Variants in PNPLA1 observed in about 807,000 individuals in gnomAD.
PNPLA1 encodes the protein omega-hydroxyceramide transacylase.
A neutral mutation model predicts 51.7 loss-of-function variants in PNPLA1; 36 were observed. The ratio of observed to expected loss-of-function variants is 0.70; its 90% CI spans 0.53 to 0.92. The LOEUF (loss-of-function observed/expected upper bound fraction) is 0.92, where lower values mean the gene tolerates loss of function less well. Among genes scored for constraint, PNPLA1 ranks in the 40% least tolerant of loss-of-function variants. The pLI is 0.00. For missense variants in PNPLA1, 658 were observed against 682.5 expected (o/e 0.96, Z 0.40); for synonymous variants, 293 against 280.1 (o/e 1.05, Z -0.46).
Position 36,302,038 on chromosome 6 carries a change from G to T in PNPLA1, c.953G>T (p.Gly318Val), listed in dbSNP as rs143843185. The T allele has an allele frequency of 6.2e-7, 1 of 1,614,202 alleles. No individual in the cohort carries two copies. Among genetic ancestry groups the T allele is most frequent in the Non-Finnish European group, 8.5e-7 (1 of 1,180,040 alleles). Reference protein sequence around the residue: ...TQPHKEWVPKGDGRGSHGPPV... With the variant: ...TQPHKEWVPKVDGRGSHGPPV... Reference sequence around the variant, plus strand: ...CCTCACAAGGAGTGGGTTCCCAAAGGGGATGGAAGGGGCAGCCATGGTCCG... The same window carrying T: ...CCTCACAAGGAGTGGGTTCCCAAAGTGGATGGAAGGGGCAGCCATGGTCCG... The change falls in exon 6 of 9, where the codon GGG becomes GTG. Residue 318 changes from glycine to valine, a missense_variant. By Grantham distance (109) the Gly-to-Val change is moderately radical. Transcript: ENST00000636260.
chr6:36,280,734 G>A (rs951656148), intron 1 of PNPLA1, among the ~76,000 whole-genome samples: 1 of 152,144 alleles, frequency 6.6e-6, no homozygotes, highest in Non-Finnish European at 1.5e-5. Context: ...TTTCTTGTGA[G>A]TTCAACCATG....
chr6:36,306,262 C>T, intron 6 of PNPLA1, 30 bp from the exon 7 acceptor site: 1 of 1,555,530 alleles, frequency 6.4e-7, no homozygotes, highest in South Asian at 1.2e-5. Flanking sequence ...CTCCCCATCT[C>T]ACTCCCGTTT....
At chr6:36,258,573 G>C (rs555789931) in intron 1 of PNPLA1, among the ~76,000 whole-genome samples, 1 of 152,276 alleles carries the variant, frequency 6.6e-6, no homozygotes, top group African/African-American at 2.4e-5. Context: ...AGCCACTACT[G>C]AATGCAAAAT....
At chr6:36,276,533 T>C (rs975181425) in intron 1 of PNPLA1, among the ~76,000 whole-genome samples, 1 of 152,184 alleles carries the variant, frequency 6.6e-6, no homozygotes, top group African/African-American at 2.4e-5. Context: ...TGATTGCCAC[T>C]GGGGGATCCA....
rs572168497 is a variant in PNPLA1, at chr6:36,306,286, T to A, written c.1385-6T>A. 6.2e-7 allele frequency: 1 copy of A among 1,608,062 alleles called. No homozygotes were observed. Among genetic ancestry groups the A allele is most frequent in the Admixed American group, 1.7e-5 (1 of 58,576 alleles). On this transcript the variant is annotated splice_polypyrimidine_tract_variant and splice_region_variant and intron_variant, in intron 6 of 8. Transcript: ENST00000636260. ...TCACTCCCGTTTCCTATATCTTTAC[T>A]TTTAGCTGTAGCTCTTCTTGTCTCT...
At chr6:36,291,592 C>CCCCCGGGGGGGGGGG in intron 2 of PNPLA1, 40 bp downstream of exon 2, 1 of 105,202 alleles carries the variant, frequency 9.5e-6, no homozygotes. Flanking sequence ...ACGGAGGGGG[C>CCCCCGGGGGGGGGGG]GGGGGAGGGC....
intron 1 of PNPLA1, among the ~76,000 whole-genome samples, chr6:36,255,824 T>G (rs1162204379): frequency 6.6e-6 from 1 of 152,252 alleles, no homozygotes; most frequent in African/African-American, 2.4e-5. Context: ...AACATCTCTA[T>G]TGCAGTTTAT....
chr6:36,276,741 T>C (rs939425471), intron 1 of PNPLA1, among the ~76,000 whole-genome samples: 1 of 148,678 alleles, frequency 6.7e-6, no homozygotes, highest in African/African-American at 2.5e-5. Context: ...TTCGTTCCTT[T>C]CTTCGTTCGT....
chr6:36,285,296 G>A (rs1203282699), intron 1 of PNPLA1, among the ~76,000 whole-genome samples: 1 of 152,216 alleles, frequency 6.6e-6, no homozygotes, highest in Non-Finnish European at 1.5e-5. Context: ...TCTGGGAGCA[G>A]GGCCGGCGGC....
intron 1 of PNPLA1, among the ~76,000 whole-genome samples, chr6:36,273,726 C>T (rs1223738205): frequency 2.3e-4 from 5 of 22,080 alleles, no homozygotes; most frequent in African/African-American, 2.1e-3. Context: ...AAGACCCCAT[C>T]GCAAAAAAAA....
intron 1 of PNPLA1, among the ~76,000 whole-genome samples, chr6:36,287,173 C>T (rs1770519650): frequency 1.3e-5 from 2 of 152,246 alleles, no homozygotes; most frequent in South Asian, 4.2e-4. Context: ...CCATTGCTCT[C>T]AGGTTTTTAT....
At chr6:36,265,109 G>C (rs567421168), upstream of PNPLA1, among the ~76,000 whole-genome samples, 32 of 152,206 alleles carry the variant, frequency 2.1e-4, no homozygotes, top group African/African-American at 7.2e-4. Context: ...GGGAAGCTGA[G>C]GGGGGCGGGT....
rs1771062377 is a variant in PNPLA1 at position 36,301,916 on chromosome 6, G to A, written c.831G>A (p.Val277=). 1.2e-6 allele frequency: 2 copies of A among 1,614,106 alleles called. No homozygotes were observed. The highest frequency in any genetic ancestry group is 4.5e-5 in the East Asian group (2 of 44,888). The change falls in exon 6 of 9, where the codon GTG becomes GTA. Residue 277 remains valine, a synonymous_variant. Transcript: ENST00000636260. The part of the protein sequence containing the change: ...SKRVIFPRVE[V]YCQIELALGN... ...GAGTGATTTTCCCCCGGGTGGAAGT[G>A]TACTGCCAGATAGAACTCGCCCTTG...
At chr6:36,273,897 T>C (rs1047278671) in intron 1 of PNPLA1, among the ~76,000 whole-genome samples, 1 of 151,750 alleles carries the variant, frequency 6.6e-6, no homozygotes, top group Non-Finnish European at 1.5e-5. Context: ...CATCAAGCAG[T>C]GGGGTGTAAT....
intron 5 of PNPLA1, among the ~76,000 whole-genome samples, 176 bp from the exon 6 acceptor site, chr6:36,301,685 C>T (rs768541190): frequency 1.3e-4 from 20 of 152,234 alleles, no homozygotes; most frequent in Admixed American, 2.0e-4. Context: ...CCCCACACTA[C>T]ACCGTAAGTG....
intron 1 of PNPLA1, among the ~76,000 whole-genome samples, chr6:36,279,031 G>A (rs982388190): frequency 2.6e-5 from 4 of 152,232 alleles, no homozygotes; most frequent in African/African-American, 7.2e-5. Context: ...GGTGGATGAA[G>A]CTAGGGAGAG....
chr6:36,297,207 A>G (rs1770884148), intron 5 of PNPLA1, among the ~76,000 whole-genome samples: 1 of 152,148 alleles, frequency 6.6e-6, no homozygotes, highest in Non-Finnish European at 1.5e-5. Flanking sequence ...TAAAGGAGAA[A>G]TGGTCTCGTG....
Position 36,251,600 on chromosome 6 carries a change from AT to A in PNPLA1, c.-81+8340del, listed in dbSNP as rs1769422472. Among the ~76,000 whole-genome samples, 8 of 152,242 alleles carry A rather than the reference AT, an allele frequency of 5.3e-5. 1 individual carries two copies. The South Asian group carries it at 1.7e-3, about 32-fold the overall frequency. On this transcript the variant is annotated intron_variant, in intron 1 of 7. Transcript: ENST00000312917. ...GGTTCAGTTGATACCATGGCCAAAT[AT>A]GTAAACTTGTTATTCCAAGCTACTG...
intron 1 of PNPLA1, among the ~76,000 whole-genome samples, chr6:36,284,498 GTA>G (rs1438093821): frequency 6.6e-6 from 1 of 151,952 alleles, no homozygotes; most frequent in Non-Finnish European, 1.5e-5. Context: ...AGGTCCTAGG[GTA>G]TGTCCTTCCT....
Sources: gnomAD v4.1 joint callset for allele counts (sites outside exome capture counted in the v4.1 genomes callset) on GRCh38, gnomAD v4.1.1 for gene constraint, MANE v1.5 for transcripts, NCBI Gene and HGNC (gene_info 2026-07-23, HGNC 2026-07-21) for gene names.